CREB5: variants seen among roughly 807,000 people sequenced by gnomAD.
The protein encoded by CREB5 is cAMP responsive element binding protein 5.
A neutral mutation model predicts 57.1 loss-of-function variants in CREB5; 19 were observed. The observed-to-expected ratio is 0.33, with a 90% CI of 0.23 to 0.49. The LOEUF (loss-of-function observed/expected upper bound fraction) is 0.49, where lower values mean the gene tolerates loss of function less well. Among genes scored for constraint, CREB5 ranks in the 20% least tolerant of loss-of-function variants. The pLI, the probability that CREB5 is intolerant of heterozygous loss-of-function variation, is 0.99. For missense variants in CREB5, 579 were observed against 671.6 expected, an observed-to-expected ratio of 0.86 and a Z score of 1.52; for synonymous variants, 238 against 238.3, an observed-to-expected ratio of 1.00 and a Z score of 0.01.
intron 1 of CREB5, among the ~76,000 whole-genome samples, chr7:28,340,087 G>T (rs1411928283): frequency 6.6e-6 from 1 of 152,136 alleles, no homozygotes; most frequent in Non-Finnish European, 1.5e-5. Context: ...AAGAGCCAAG[G>T]CCTGAAATTG....
rs566971246 is a variant in CREB5 at position 28,582,369 on chromosome 7, G to A, written c.464+11832G>A. Among the ~76,000 whole-genome samples the A allele has an allele frequency of 2.6e-4, 39 of 152,228 alleles. 1 individual carries two copies. Among genetic ancestry groups the A allele is most frequent in the African/African-American group, 8.2e-4 (34 of 41,550 alleles). Reference sequence around the variant, plus strand: ...GTTCATTCTCAATGGTAACCTTCACGGGGAACCACATTTTTACTAAGTCAC... The same window carrying A: ...GTTCATTCTCAATGGTAACCTTCACAGGGAACCACATTTTTACTAAGTCAC... On this transcript the variant is annotated intron_variant, in intron 5 of 10. Transcript: ENST00000357727.
At chr7:28,754,194 T>C (rs1255698458) in intron 7 of CREB5, among the ~76,000 whole-genome samples, 1 of 152,140 alleles carries the variant, frequency 6.6e-6, no homozygotes, top group African/African-American at 2.4e-5. Flanking sequence ...CACAGCTGAA[T>C]CTACAGGCTT....
intron 1 of CREB5, among the ~76,000 whole-genome samples, chr7:28,419,789 TA>T (rs1325910225): frequency 6.6e-6 from 1 of 152,136 alleles, no homozygotes; most frequent in African/African-American, 2.4e-5. Context: ...ATTGTGAGAT[TA>T]AAAAAATTGA....
chr7:28,686,327 G>A (rs554250528), intron 5 of CREB5: 42 of 682,974 alleles, frequency 6.1e-5, no homozygotes, highest in South Asian at 2.1e-4. Flanking sequence ...CTTTCTGCCC[G>A]TCTTTGTTTC....
intron 5 of CREB5, among the ~76,000 whole-genome samples, chr7:28,683,323 A>G (rs974492712): frequency 6.6e-6 from 1 of 152,088 alleles, no homozygotes; most frequent in Non-Finnish European, 1.5e-5. Context: ...TCAAGTGGGG[A>G]GGCACCCAGC....
At chr7:28,355,844 A>G (rs571731376) in intron 1 of CREB5, among the ~76,000 whole-genome samples, 3 of 152,342 alleles carry the variant, frequency 2.0e-5, no homozygotes, top group African/African-American at 7.2e-5. Flanking sequence ...GGGCTGTCAC[A>G]GAGCGTAACA....
At chr7:28,777,571 A>G (rs985829805) in intron 7 of CREB5, among the ~76,000 whole-genome samples, 2 of 152,230 alleles carry the variant, frequency 1.3e-5, no homozygotes, top group Admixed American at 1.3e-4. Context: ...AGAAAAAATA[A>G]GACAGTGGGA....
chr7:28,804,086 C>T lies in CREB5; in HGVS notation c.703-113C>T, dbSNP rs760851831. On this transcript the variant is annotated intron_variant, in intron 7 of 10. Coordinates refer to ENST00000357727, the MANE Select transcript of CREB5 (RefSeq NM_182898.4). The stretch of plus-strand genomic sequence containing the variant: ...GATAGCTACTGGTAGGAAACATTAA[C>T]AATAGCATCGTAAAATATAGAATTG... 4.7e-4 allele frequency: 449 copies of T among 946,522 alleles called. 1 individual carries two copies. The highest frequency in any genetic ancestry group is 6.7e-4 in the Non-Finnish European group (415 of 621,792). 58.6% of individuals were successfully genotyped at this position (946,522 alleles called of 1,614,324 possible).
chr7:28,507,694 A>T lies in CREB5; in HGVS notation c.248A>T (p.Glu83Val). The T allele has an allele frequency of 6.2e-7, 1 of 1,611,368 alleles. No individual in the cohort carries two copies. Among genetic ancestry groups the T allele is most frequent in the Non-Finnish European group, 8.5e-7 (1 of 1,177,752 alleles). ...TTCAGCGAGCTGGACTGCTCCCTGGAGCACGAGTTCAGGAAGGCTCAGGAA... is the reference window on the plus strand; with the variant it reads ...TTCAGCGAGCTGGACTGCTCCCTGGTGCACGAGTTCAGGAAGGCTCAGGAA... ...GLFSELDCSLEHEFRKAQEEE... is the reference protein window; with the variant it reads ...GLFSELDCSLVHEFRKAQEEE... Residue 83 changes from glutamate to valine, a missense_variant, in exon 4 of 11, where the codon GAG (glutamate) becomes GTG (valine). This residue lies in a region of CREB5 where 459 missense variants were observed against 515.7 expected (regional missense o/e 0.89). Transcript: ENST00000357727.
chr7:28,806,535 C>T (rs959461689), intron 8 of CREB5, among the ~76,000 whole-genome samples: 3 of 152,116 alleles, frequency 2.0e-5, no homozygotes, highest in Non-Finnish European at 4.4e-5. Context: ...ATTTTCAGAG[C>T]ATCTATGCCA....
chr7:28,500,795 T>G (rs1792242773), intron 3 of CREB5, among the ~76,000 whole-genome samples: 1 of 152,148 alleles, frequency 6.6e-6, no homozygotes, highest in Admixed American at 6.5e-5. Flanking sequence ...TAGAACGAGT[T>G]AGGGTATTGT....
rs1809677267 is a variant in CREB5 at position 28,820,131 on chromosome 7, T to C, written c.*852T>C. 6.6e-6 allele frequency: 1 copy of C among 152,352 alleles called. No individual in the cohort carries two copies. Among genetic ancestry groups the C allele is most frequent in the Non-Finnish European group, 1.5e-5 (1 of 68,038 alleles). 9.4% of individuals were successfully genotyped at this position (152,352 alleles called of 1,614,324 possible). ...CAGGAGATGTTTAATGTGCCTGATT[T>C]AATGTTTTTAATAATCACAGCAAAT... On this transcript the variant is annotated 3_prime_UTR_variant, in exon 11 of 11. Coordinates refer to ENST00000357727, the MANE Select transcript of CREB5 (RefSeq NM_182898.4).
intron 7 of CREB5, among the ~76,000 whole-genome samples, chr7:28,731,379 A>G (rs1803618061): frequency 6.6e-6 from 1 of 152,254 alleles, no homozygotes; most frequent in Non-Finnish European, 1.5e-5. Flanking sequence ...GTATTCCATG[A>G]CCTGATCAGA....
chr7:28,512,763 G>T (rs934066904), intron 4 of CREB5, among the ~76,000 whole-genome samples: 4 of 152,080 alleles, frequency 2.6e-5, no homozygotes, highest in African/African-American at 9.7e-5. Context: ...AGCCTAAAGT[G>T]GTTAAAGACC....
intron 1 of CREB5, among the ~76,000 whole-genome samples, chr7:28,325,555 C>A (rs1433459372): frequency 6.6e-6 from 1 of 152,222 alleles, no homozygotes; most frequent in Non-Finnish European, 1.5e-5. Context: ...TGGTTATGCC[C>A]TACCTGGTCT....
Position 28,610,887 on chromosome 7 carries a change from G to A in CREB5, c.464+40350G>A, listed in dbSNP as rs114440362. Among the ~76,000 whole-genome samples the A allele has an allele frequency of 9.3e-3, 1,409 of 151,252 alleles. 25 individuals are homozygous for A. The highest frequency in any genetic ancestry group is 0.032 in the African/African-American group (1,319 of 40,832). ...TTTGTTCTTTGGTTTGCGTGTGTGT[G>A]CGTGTGTGTGTGTGTGTGTGTGAGA... On this transcript the variant is annotated intron_variant, in intron 5 of 10. Transcript: ENST00000357727.
chr7:28,677,470 G>T (rs1800373759), intron 5 of CREB5, among the ~76,000 whole-genome samples: 1 of 152,110 alleles, frequency 6.6e-6, no homozygotes, highest in South Asian at 2.1e-4. Flanking sequence ...CAGGCCAAGG[G>T]TCAGCCTTCA....
At chr7:28,397,192 T>C (rs896109908) in intron 1 of CREB5, among the ~76,000 whole-genome samples, 3 of 152,222 alleles carry the variant, frequency 2.0e-5, no homozygotes, top group Non-Finnish European at 2.9e-5. Context: ...AGCTTTGGTT[T>C]AGGTCCCATA....
intron 7 of CREB5, among the ~76,000 whole-genome samples, chr7:28,762,492 A>C (rs530140649): frequency 6.6e-6 from 1 of 152,350 alleles, no homozygotes; most frequent in South Asian, 2.1e-4. Context: ...ATCCTGCTAC[A>C]ACACAACTAA....
Sources: gnomAD v4.1 joint callset for allele counts (sites outside exome capture counted in the v4.1 genomes callset) on GRCh38, gnomAD v4.1.1 for gene constraint, gnomAD v4.1.1 regional missense constraint, MANE v1.5 for transcripts, NCBI Gene and HGNC (gene_info 2026-07-23, HGNC 2026-07-21) for gene names.